The following FREM1 variants were observed in gnomAD, a reference collection of about 807,000 sequenced individuals.
The protein encoded by FREM1 is FRAS1-related extracellular matrix protein 1.
A neutral mutation model predicts 210.1 loss-of-function variants in FREM1; 220 were observed. That is an observed-to-expected ratio of 1.05 (90% CI 0.94 to 1.17). The LOEUF (loss-of-function observed/expected upper bound fraction) is 1.17, where lower values mean the gene tolerates loss of function less well. Ranked by LOEUF, FREM1 falls within the 50% of genes most tolerant of loss-of-function variation. The pLI is 0.00. For missense variants in FREM1, 3,454 were observed against 2,675.5 expected, an observed-to-expected ratio of 1.29 and a Z score of -6.42; for synonymous variants, 1,189 against 980.2, an observed-to-expected ratio of 1.21 and a Z score of -3.98.
At chr9:14,785,008 T>C (rs1196549589) in intron 23 of FREM1, among the ~76,000 whole-genome samples, 6 of 152,104 alleles carry the variant, frequency 3.9e-5, no homozygotes, top group African/African-American at 7.2e-5. Flanking sequence ...AGAGTGTAAA[T>C]TGGTACAAGA....
chr9:14,876,777 C>T (rs570499157), intron 1 of FREM1, among the ~76,000 whole-genome samples: 11 of 152,296 alleles, frequency 7.2e-5, no homozygotes, highest in South Asian at 6.2e-4. Flanking sequence ...GCATCGCTCA[C>T]GCTAGGAGCT....
intron 8 of FREM1, among the ~76,000 whole-genome samples, chr9:14,843,554 T>A (rs1385116297): frequency 6.6e-6 from 1 of 152,204 alleles, no homozygotes; most frequent in Non-Finnish European, 1.5e-5. Context: ...TAGATAGACA[T>A]TCTGTTGGTT....
chr9:14,787,614 T>G (rs917782088), intron 23 of FREM1, among the ~76,000 whole-genome samples: 1 of 152,098 alleles, frequency 6.6e-6, no homozygotes, highest in Admixed American at 6.6e-5. Context: ...CTTCCATATC[T>G]CACTTCTTGA....
At position 14,808,116 on chromosome 9, in the gene FREM1, A is replaced by G; in HGVS notation, c.2912T>C (p.Met971Thr). The G allele has an allele frequency of 6.2e-7, 1 of 1,604,202 alleles. No individual in the cohort carries two copies. Among genetic ancestry groups the G allele is most frequent in the Non-Finnish European group, 8.5e-7 (1 of 1,174,490 alleles). ...YKHTGGEIGL[M>T]PCFDTITLVV... The stretch of plus-strand genomic sequence containing the variant: ...CAATGTAATGGTGTCAAAACAAGGC[A>G]TCAGGCCAATCTCGCCACCTGGAAG... Residue 971 changes from methionine (M) to threonine (T), a missense_variant, in exon 17 of 37, where the codon ATG (methionine) becomes ACG (threonine). Transcript: ENST00000380880.
At chr9:14,877,039 C>A (rs185064230) in intron 1 of FREM1, among the ~76,000 whole-genome samples, 1 of 152,162 alleles carries the variant, frequency 6.6e-6, no homozygotes, top group African/African-American at 2.4e-5. Flanking sequence ...CTGCAGTCCT[C>A]TTATCTCACT....
At chr9:14,782,524 T>A (rs1316432792) in intron 24 of FREM1, among the ~76,000 whole-genome samples, 1 of 152,174 alleles carries the variant, frequency 6.6e-6, no homozygotes, top group Non-Finnish European at 1.5e-5. Context: ...GTTCCAGAAA[T>A]GCATGTAAAA....
chr9:14,896,638 C>T (rs1351483606), intron 1 of FREM1, among the ~76,000 whole-genome samples: 1 of 151,934 alleles, frequency 6.6e-6, no homozygotes, highest in Non-Finnish European at 1.5e-5. Context: ...ACCAGCAGCT[C>T]TCAGTGCTGC....
chr9:14,854,362 A>G (rs893485425), intron 5 of FREM1, among the ~76,000 whole-genome samples: 4 of 152,162 alleles, frequency 2.6e-5, no homozygotes, highest in Non-Finnish European at 5.9e-5. Context: ...AAATTCAACA[A>G]AAATGTCCAA....
intron 1 of FREM1, among the ~76,000 whole-genome samples, chr9:14,883,671 C>T (rs995639123): frequency 6.6e-6 from 1 of 152,218 alleles, no homozygotes; most frequent in African/African-American, 2.4e-5. Context: ...ACTGTCTTGT[C>T]TCTGACACAA....
At chr9:14,739,216 A>C (rs1310901268) in intron 36 of FREM1, among the ~76,000 whole-genome samples, 5 of 150,784 alleles carry the variant, frequency 3.3e-5, no homozygotes, top group Non-Finnish European at 7.4e-5. Context: ...CACTCCTTCC[A>C]CCTCAGCCTC....
At chr9:14,848,635 T>G (rs1827111695) in intron 7 of FREM1, 30 bp downstream of exon 7, 1 of 1,316,018 alleles carries the variant, frequency 7.6e-7, no homozygotes, top group Admixed American at 1.7e-5. Context: ...TTCAGGGCTA[T>G]GTTGCTCTAT....
intron 23 of FREM1, 41 bp downstream of exon 23, chr9:14,788,878 G>A (rs758464235): frequency 1.3e-6 from 2 of 1,520,468 alleles, no homozygotes; most frequent in Admixed American, 3.7e-5. Context: ...ATACCAGTTA[G>A]CAAAGTTGAT....
intron 1 of FREM1, among the ~76,000 whole-genome samples, chr9:14,876,544 A>T (rs1833788632): frequency 6.6e-6 from 1 of 152,136 alleles, no homozygotes; most frequent in African/African-American, 2.4e-5. Context: ...GCACAGTATG[A>T]GGGTGGGAGT....
chr9:14,879,632 G>T (rs1416962578), intron 1 of FREM1, among the ~76,000 whole-genome samples: 2 of 152,176 alleles, frequency 1.3e-5, no homozygotes, highest in African/African-American at 4.8e-5. Context: ...CCATGGAATG[G>T]AATGTAACTT....
intron 10 of FREM1, among the ~76,000 whole-genome samples, chr9:14,825,722 C>T (rs1489930405): frequency 2.0e-5 from 3 of 151,656 alleles, no homozygotes; most frequent in Non-Finnish European, 4.4e-5. Context: ...TCTTAGAAAC[C>T]TTGACATGAA....
intron 1 of FREM1, among the ~76,000 whole-genome samples, chr9:14,908,424 G>C (rs978205934): frequency 2.0e-5 from 3 of 152,210 alleles, no homozygotes; most frequent in Admixed American, 1.3e-4. Context: ...ACATTGCTTA[G>C]CCATGCGGGG....
intron 23 of FREM1, among the ~76,000 whole-genome samples, chr9:14,787,297 A>G (rs1362753209): frequency 6.6e-6 from 1 of 152,210 alleles, no homozygotes; most frequent in African/African-American, 2.4e-5. Context: ...AAAAAACTGT[A>G]CAGTGACAAA....
intron 10 of FREM1, among the ~76,000 whole-genome samples, chr9:14,838,836 A>T (rs569090088): frequency 2.0e-4 from 31 of 152,296 alleles, no homozygotes; most frequent in African/African-American, 7.5e-4. Context: ...AACAACAAAG[A>T]TATGTGTAAA....
In FREM1 at chr9:14,808,044, T is replaced by C. The variant is rs1818702925; in HGVS notation, c.2984A>G (p.Tyr995Cys). 1.9e-6 allele frequency: 3 copies of C among 1,613,542 alleles called. No homozygotes were observed. Among genetic ancestry groups the C allele is most frequent in the Admixed American group, 1.7e-5 (1 of 59,998 alleles). ...TGGAACAGATGGATTGGGTCCATTG[T>C]AGCAACAGCCATTCACAAAAGGGCC... ...EAGPFVNGCC[Y>C]NGPNPSVPLH... Residue 995 changes from tyrosine to cysteine, a missense_variant, in exon 17 of 37, where the codon TAC (tyrosine) becomes TGC (cysteine). Transcript: ENST00000380880.
Sources: allele counts gnomAD v4.1 joint callset (sites outside exome capture counted in the v4.1 genomes callset), GRCh38; gene constraint gnomAD v4.1.1; transcripts MANE v1.5; gene names NCBI Gene and HGNC (gene_info 2026-07-23, HGNC 2026-07-21).